The following TCF25 variants were observed in gnomAD, a reference collection of about 807,000 sequenced individuals.
The protein encoded by TCF25 is TCF25 ribosome quality control complex subunit.
Under a neutral mutation model 83.1 loss-of-function variants are expected in TCF25, and 41 were observed. The observed-to-expected ratio is 0.49, with a 90% CI of 0.38 to 0.64. The LOEUF (loss-of-function observed/expected upper bound fraction) is 0.64, where lower values mean the gene tolerates loss of function less well. Among genes scored for constraint, TCF25 ranks in the 30% least tolerant of loss-of-function variants. The pLI, the probability that TCF25 is intolerant of heterozygous loss-of-function variation, is 0.00. For missense variants in TCF25, 979 were observed against 914.5 expected, an observed-to-expected ratio of 1.07 and a Z score of -0.91; for synonymous variants, 458 against 365.0, an observed-to-expected ratio of 1.25 and a Z score of -2.90.
At chr16:89,879,100 T>C (rs145873008) in intron 1 of TCF25, among the ~76,000 whole-genome samples, 8,489 of 152,186 alleles carry the variant, frequency 0.056, 532 homozygotes, top group African/African-American at 0.16. Context: ...CTTCAGAGCC[T>C]GTCACACGTG....
chr16:89,897,987 C>A (rs1048780005), intron 9 of TCF25, among the ~76,000 whole-genome samples: 3 of 151,930 alleles, frequency 2.0e-5, no homozygotes, highest in Non-Finnish European at 4.4e-5. Context: ...CCTGTAGTCT[C>A]AGCTACTTGG....
At chr16:89,907,376 TTC>T in intron 16 of TCF25, 54 bp downstream of exon 16, 1 of 188,290 alleles carries the variant, frequency 5.3e-6, no homozygotes, top group Non-Finnish European at 6.9e-6. Context: ...CTCCTCCCAG[TTC>T]CCAGCTCCCA....
intron 4 of TCF25, among the ~76,000 whole-genome samples, chr16:89,886,981 A>G (rs947969470): frequency 3.3e-5 from 5 of 152,148 alleles, no homozygotes; most frequent in African/African-American, 1.2e-4. Flanking sequence ...AAAGGAAGTC[A>G]TCCATATTTC....
chr16:89,911,286 C>T lies in TCF25; in HGVS notation c.*48C>T. On this transcript the variant is annotated 3_prime_UTR_variant, in exon 18 of 18. Transcript: ENST00000263346. ...AGCCGTATGATGATGTTCCCGATTT[C>T]TCTGTTGGTCGGAGTCGGCCAGTTG... 6.2e-7 allele frequency: 1 copy of T among 1,600,736 alleles called. No individual in the cohort carries two copies. Among genetic ancestry groups the T allele is most frequent in the South Asian group, 1.1e-5 (1 of 90,762 alleles).
At chr16:89,906,306 G>C in intron 15 of TCF25, 22 bp downstream of exon 15, 1 of 1,609,970 alleles carries the variant, frequency 6.2e-7, no homozygotes, top group Admixed American at 1.7e-5. Flanking sequence ...AGGCTGAAAT[G>C]GGAGCTCTGT....
Position 89,910,615 on chromosome 16 carries a change from C to T in TCF25, c.1824C>T (p.Asn608=), listed in dbSNP as rs1245667601. ...PERLSPISHG[N]TIALFFRSLL... Reference sequence around the variant, plus strand: ...GGCTAAGTCCTATCAGCCATGGAAACACCATTGCTCTCTTCTTCCGGTCAC... The same window carrying T: ...GGCTAAGTCCTATCAGCCATGGAAATACCATTGCTCTCTTCTTCCGGTCAC... The change falls in exon 17 of 18, where the codon AAC becomes AAT. Residue 608 remains asparagine (N), a synonymous_variant. Coordinates refer to ENST00000263346, the MANE Select transcript of TCF25 (RefSeq NM_014972.3). 1 of 1,613,710 alleles carries T rather than the reference C, an allele frequency of 6.2e-7. No individual in the cohort carries two copies. The highest frequency in any genetic ancestry group is 2.2e-5 in the East Asian group (1 of 44,888).
At chr16:89,893,583 G>A in intron 6 of TCF25, 145 bp from the exon 7 acceptor site, 3 of 1,290,508 alleles carry the variant, frequency 2.3e-6, no homozygotes, top group Non-Finnish European at 3.2e-6. Context: ...GTCCGGAGCT[G>A]GTGACACCCA....
At chr16:89,894,957 A>T in intron 7 of TCF25, 81 bp from the exon 8 acceptor site, 1 of 1,316,174 alleles carries the variant, frequency 7.6e-7, no homozygotes, top group Non-Finnish European at 1.1e-6. Flanking sequence ...CGCTGGTTTT[A>T]AATGTCTGAA....
At chr16:89,897,339 C>T (rs996641640) in intron 9 of TCF25, among the ~76,000 whole-genome samples, 5 of 152,266 alleles carry the variant, frequency 3.3e-5, no homozygotes, top group Non-Finnish European at 7.3e-5. Flanking sequence ...CAGGCCTTCC[C>T]GCAGCCTGTC....
rs370174860 is a variant in TCF25, at chr16:89,905,111, G to A, written c.1628+15G>A. 7 of 1,569,958 alleles carry A rather than the reference G, an allele frequency of 4.5e-6. No homozygotes were observed. The highest frequency in any genetic ancestry group is 1.3e-5 in the African/African-American group (1 of 74,106). ...TGTGAGAACCGGTGAGCTAGGGGTT[G>A]ACACAAGCCCTGCCACGCCCCCTCC... On this transcript the variant is annotated intron_variant, in intron 14 of 17. Coordinates refer to ENST00000263346, the MANE Select transcript of TCF25 (RefSeq NM_014972.3).
At chr16:89,893,949 AT>A in intron 7 of TCF25, 91 bp downstream of exon 7, 2 of 1,523,168 alleles carry the variant, frequency 1.3e-6, no homozygotes, top group Non-Finnish European at 1.8e-6. Context: ...TGGGGGAGGC[AT>A]GCTGCCTCCT....
intron 5 of TCF25, 72 bp from the exon 6 acceptor site, chr16:89,892,121 G>C: frequency 6.9e-7 from 1 of 1,448,018 alleles, no homozygotes; most frequent in Non-Finnish European, 9.2e-7. Flanking sequence ...CCCGTGCAGG[G>C]ATCAGGCAGC....
At chr16:89,882,426 T>C (rs976975594) in intron 1 of TCF25, among the ~76,000 whole-genome samples, 3 of 152,048 alleles carry the variant, frequency 2.0e-5, no homozygotes, top group African/African-American at 7.2e-5. Context: ...TAGTTCCAGC[T>C]ACTTGGGAGG....
chr16:89,888,346 G>T (rs371858677), intron 5 of TCF25, among the ~76,000 whole-genome samples: 34 of 152,182 alleles, frequency 2.2e-4, no homozygotes, highest in African/African-American at 7.9e-4. Flanking sequence ...CCAGCACTTT[G>T]GGAGGCCAAG....
intron 16 of TCF25, 30 bp from the exon 17 acceptor site, chr16:89,910,561 C>T (rs765335739): frequency 2.0e-5 from 33 of 1,610,950 alleles, no homozygotes; most frequent in African/African-American, 4.0e-5. Context: ...AGTTCAGTGT[C>T]GTTTCTGACT....
rs2044257214 is a variant in TCF25, at chr16:89,900,761, C to A, written c.1348C>A (p.Leu450Met). ...CTCTGCCAGGCAGAAGGCCTCTCTC[C>A]TGATACAGCAGGCGCTCACCATGTT... ...QSSARQKASL[L>M]IQQALTMFPG... Residue 450 changes from leucine (L) to methionine (M), a missense_variant, in exon 12 of 18, where the codon CTG (leucine) becomes ATG (methionine). By Grantham distance (15) the Leu-to-Met change is conservative (BLOSUM62 2). Coordinates refer to ENST00000263346, the MANE Select transcript of TCF25 (RefSeq NM_014972.3). 6.3e-7 allele frequency: 1 copy of A among 1,593,348 alleles called. No individual in the cohort carries two copies. The highest frequency in any genetic ancestry group is 8.6e-7 in the Non-Finnish European group (1 of 1,162,604).
chr16:89,908,625 AGC>A (rs2045240910), intron 16 of TCF25, among the ~76,000 whole-genome samples: 5 of 65,408 alleles, frequency 7.6e-5, no homozygotes, highest in Middle Eastern at 0.01. Flanking sequence ...CCCACCTCCC[AGC>A]TCCCACCTCC....
At chr16:89,906,000 C>T (rs968494965) in intron 14 of TCF25, among the ~76,000 whole-genome samples, 194 bp from the exon 15 acceptor site, 3 of 152,044 alleles carry the variant, frequency 2.0e-5, no homozygotes, top group African/African-American at 4.8e-5. Flanking sequence ...GATTGGTCCC[C>T]AGAGGCTCCC....
In TCF25 at chr16:89,907,233, C is replaced by G. The variant is rs755303155; in HGVS notation, c.1720-10C>G. The G allele has an allele frequency of 1.2e-6, 2 of 1,612,520 alleles. No individual in the cohort carries two copies. Among genetic ancestry groups the G allele is most frequent in the Admixed American group, 3.3e-5 (2 of 59,946 alleles). ...TCTGTAGCATCTTCGTTTTATGTCC[C>G]TTTCTGAAGGACGTGACCACGCAGT... On this transcript the variant is annotated splice_polypyrimidine_tract_variant and intron_variant, in intron 15 of 17. Coordinates refer to ENST00000263346, the MANE Select transcript of TCF25 (RefSeq NM_014972.3).
Sources: gnomAD v4.1 joint callset for allele counts (sites outside exome capture counted in the v4.1 genomes callset) on GRCh38, gnomAD v4.1.1 for gene constraint, MANE v1.5 for transcripts, NCBI Gene and HGNC (gene_info 2026-07-23, HGNC 2026-07-21) for gene names.